Variants in PHLDB1 observed in about 807,000 individuals in gnomAD.
PHLDB1 encodes the protein pleckstrin homology-like domain family B member 1.
In PHLDB1, 65 loss-of-function variants were observed where a neutral mutation model predicts 139.3. The observed-to-expected ratio is 0.47, with a 90% confidence interval of 0.38 to 0.57. The LOEUF (loss-of-function observed/expected upper bound fraction) is 0.57. Among genes scored for constraint, PHLDB1 ranks in the 20% least tolerant of loss-of-function variants. PHLDB1 has a pLI of 0.00. For synonymous variants in PHLDB1, 679 were observed against 734.5 expected, an observed-to-expected ratio of 0.92 and a Z score of 1.22; for missense variants, 1,624 against 1,839.7, an observed-to-expected ratio of 0.88 and a Z score of 2.14.
intron 4 of PHLDB1, among the ~76,000 whole-genome samples, chr11:118,619,816 T>C (rs1286187843): frequency 1.3e-5 from 2 of 152,228 alleles, no homozygotes; most frequent in African/African-American, 2.4e-5. Context: ...GTGGGCTGTT[T>C]AGCAAGAATG....
At chr11:118,631,774 GC>G (rs74426776) in intron 7 of PHLDB1, 138 bp from the exon 8 acceptor site, 229,113 of 1,014,216 alleles carry the variant, frequency 0.23, 27,531 homozygotes, top group South Asian at 0.34. Flanking sequence ...GGTGGGGGTT[GC>G]GGGGGGGCAG....
Position 118,628,670 on chromosome 11 carries a change from G to C in PHLDB1, c.1827+20G>C. The C allele has an allele frequency of 6.3e-7, 1 of 1,595,166 alleles. No individual in the cohort carries two copies. Among genetic ancestry groups the C allele is most frequent in the Non-Finnish European group, 8.5e-7 (1 of 1,172,724 alleles). On this transcript the variant is annotated intron_variant, in intron 6 of 22. Coordinates refer to ENST00000600882, the MANE Select transcript of PHLDB1 (RefSeq NM_001144758.3). ...AGGCTGGTGAGCGGGTGCCAGGGAG[G>C]CTTGCCACTGTCCATGGCAGAGTCT... is the stretch of plus-strand genomic sequence containing the variant.
Position 118,635,422 on chromosome 11 carries a change from G to A in PHLDB1, c.2409G>A (p.Lys803=), listed in dbSNP as rs781888399. The change falls in exon 10 of 23, where the codon AAG becomes AAA. Residue 803 remains lysine (K), a synonymous_variant. Transcript: ENST00000600882. The stretch of plus-strand genomic sequence containing the variant: ...CAGAGGCCCTGGAGACTGAGACAAA[G>A]CTCTTTGAGGACTTGGAGTTCCAGC... ...KEAEALETET[K]LFEDLEFQQL... 20 of 1,608,406 alleles carry A rather than the reference G, an allele frequency of 1.2e-5. No individual in the cohort carries two copies. Among genetic ancestry groups the A allele is most frequent in the Non-Finnish European group, 1.6e-5 (19 of 1,177,924 alleles).
intron 17 of PHLDB1, chr11:118,646,302 A>G (rs1191153621): frequency 6.3e-6 from 1 of 158,662 alleles, no homozygotes; most frequent in Non-Finnish European, 1.4e-5. Context: ...TATTCCTCAA[A>G]CAGGCTTAGG....
chr11:118,650,186 G>A lies in PHLDB1; in HGVS notation c.3764G>A (p.Ser1255Asn). 1 of 1,611,138 alleles carries A rather than the reference G, an allele frequency of 6.2e-7. No homozygotes were observed. The highest frequency in any genetic ancestry group is 8.5e-7 in the Non-Finnish European group (1 of 1,177,286). The change falls in exon 19 of 23, where the codon AGC becomes AAC. Residue 1255 changes from serine (S) to asparagine (N), a missense_variant. Transcript: ENST00000600882. The surrounding 1 kb of genome is among the most constrained non-coding windows in gnomAD (Gnocchi z 4.7). ...GVDTCLHVVL[S>N]SKVCRGYLVK... ...GATACCTGCCTGCACGTGGTGCTCA[G>A]CAGCAAGGTACAAGGCGTGTGTGGC...
chr11:118,615,524 G>T (rs1941454556), intron 3 of PHLDB1: 1 of 153,624 alleles, frequency 6.5e-6, no homozygotes, highest in Non-Finnish European at 1.4e-5. Context: ...GGCTCTGTCA[G>T]CGGGAGGGGC....
intron 21 of PHLDB1, 77 bp downstream of exon 21, chr11:118,655,767 C>A: frequency 1.4e-6 from 2 of 1,477,030 alleles, no homozygotes; most frequent in Non-Finnish European, 1.9e-6. Flanking sequence ...GCTCTGGGAG[C>A]AAAGGCCTCC....
At position 118,655,654 on chromosome 11, in the gene PHLDB1, G is replaced by A. The variant is rs781954316; in HGVS notation, c.3924G>A (p.Glu1308=). Residue 1308 remains glutamate (E), a synonymous_variant, in exon 21 of 23, where the codon GAG becomes GAA. Transcript: ENST00000600882. The part of the protein sequence containing the change: ...LKGVIYFQAI[E]EVYYDHLRSA... The stretch of plus-strand genomic sequence containing the variant: ...GAGTCATCTATTTCCAGGCCATTGA[G>A]GAAGTGTACTACGACCACCTGCGCA... 1 of 1,613,634 alleles carries A rather than the reference G, an allele frequency of 6.2e-7. No homozygotes were observed. Among genetic ancestry groups the A allele is most frequent in the South Asian group, 1.1e-5 (1 of 91,066 alleles).
intron 6 of PHLDB1, chr11:118,630,082 G>T: frequency 7.8e-7 from 1 of 1,286,120 alleles, no homozygotes; most frequent in Middle Eastern, 2.2e-4. Flanking sequence ...AGGGAAGCTG[G>T]GTAAGTGTAT....
chr11:118,632,412 G>A lies in PHLDB1; in HGVS notation c.2379+116G>A. ...TCATCATCCATTCTGCAGTACAAGT[G>A]GTCTCTGTGGCTTTCCAGAGACAGA... On this transcript the variant is annotated intron_variant, in intron 9 of 22. Transcript: ENST00000600882. This position sits in a 1 kb window ranked among gnomAD's most constrained non-coding sequence, Gnocchi z 5.9. 1 of 1,067,368 alleles carries A rather than the reference G, an allele frequency of 9.4e-7. No individual in the cohort carries two copies. The highest frequency in any genetic ancestry group is 1.4e-6 in the Non-Finnish European group (1 of 725,888). 66.1% of individuals were successfully genotyped at this position (1,067,368 alleles called of 1,614,324 possible).
Position 118,631,218 on chromosome 11 carries a change from C to T in PHLDB1, c.1839C>T (p.Arg613=). The T allele has an allele frequency of 1.4e-6, 2 of 1,429,732 alleles. No individual in the cohort carries two copies. Among genetic ancestry groups the T allele is most frequent in the Non-Finnish European group, 1.8e-6 (2 of 1,087,622 alleles). The allele number at this position is 1,429,732 out of a possible 1,614,324, so 88.6% of individuals were successfully genotyped here. The change falls in exon 7 of 23, where the codon CGC becomes CGT. Residue 613 remains arginine (R), a synonymous_variant. Transcript: ENST00000600882. The part of the protein sequence containing the change: ...EQEMERLERQ[R]LETILNLCAE... ...TCCATCCTCCCCAGGAACGCCAGCGCCTGGAGACCATCCTGAACCTGTGTG... is the reference window on the plus strand; with the variant it reads ...TCCATCCTCCCCAGGAACGCCAGCGTCTGGAGACCATCCTGAACCTGTGTG...
At chr11:118,649,945 C>T in intron 18 of PHLDB1, 132 bp from the exon 19 acceptor site, 1 of 720,508 alleles carries the variant, frequency 1.4e-6, no homozygotes. Context: ...CCCTGTGGAG[C>T]CACAGTGACC....
Position 118,643,943 on chromosome 11 carries a change from C to G in PHLDB1, c.3018+3C>G. On this transcript the variant is annotated splice_donor_region_variant and intron_variant, in intron 14 of 22. Coordinates refer to ENST00000600882, the MANE Select transcript of PHLDB1 (RefSeq NM_001144758.3). Reference sequence around the variant, plus strand: ...TGGGGCGTAGCCCCTCCCCAAAGGTCTGAGGACAGTGGGTGGGGCTGCACA... The same window carrying G: ...TGGGGCGTAGCCCCTCCCCAAAGGTGTGAGGACAGTGGGTGGGGCTGCACA... The G allele has an allele frequency of 1.3e-6, 2 of 1,595,666 alleles. No homozygotes were observed. The highest frequency in any genetic ancestry group is 1.7e-6 in the Non-Finnish European group (2 of 1,170,952).
In PHLDB1 at chr11:118,644,159, GCT is replaced by G; in HGVS notation, c.3109_3110del (p.Leu1037AlafsTer9). ...LQDIETKRQL[A>X]LQQKGQQVIE... ...GGACATCGAGACCAAGCGCCAACTAGCTCTGCAGCAGAAGGGTGAGTGACTGC... is the reference window on the plus strand; with the variant it reads ...GGACATCGAGACCAAGCGCCAACTAGCTGCAGCAGAAGGGTGAGTGACTGC... On this transcript the variant is annotated frameshift_variant, in exon 15 of 23. Transcript: ENST00000600882. LOFTEE classifies it high-confidence loss of function. 1 of 1,611,826 alleles carries G rather than the reference GCT, an allele frequency of 6.2e-7. No homozygotes were observed. Among genetic ancestry groups the G allele is most frequent in the Non-Finnish European group, 8.5e-7 (1 of 1,179,404 alleles).
In PHLDB1 at chr11:118,631,296, TG is replaced by T; in HGVS notation, c.1921del (p.Glu641ArgfsTer74). ...CTGAGGCTGGGGAGCTTCCCAGCATTGGGGAGGCCACCGCAGCATTGGCACT... is the reference window on the plus strand; with the variant it reads ...CTGAGGCTGGGGAGCTTCCCAGCATTGGGAGGCCACCGCAGCATTGGCACT... ...GPEAGELPSI[G>X]EATAALALAG... On this transcript the variant is annotated frameshift_variant, in exon 7 of 23. Coordinates refer to ENST00000600882, the MANE Select transcript of PHLDB1 (RefSeq NM_001144758.3). LOFTEE classifies it high-confidence loss of function. 6.5e-7 allele frequency: 1 copy of T among 1,534,478 alleles called. No individual in the cohort carries two copies. Among genetic ancestry groups the T allele is most frequent in the African/African-American group, 1.4e-5 (1 of 70,742 alleles).
At chr11:118,623,519 G>T (rs1431715042) in intron 4 of PHLDB1, among the ~76,000 whole-genome samples, 3 of 152,062 alleles carry the variant, frequency 2.0e-5, no homozygotes, top group African/African-American at 7.2e-5. Flanking sequence ...CTGGGAATGT[G>T]CTTGGCTGAG....
At chr11:118,622,127 T>C (rs1461213629) in intron 4 of PHLDB1, among the ~76,000 whole-genome samples, 39 of 152,032 alleles carry the variant, frequency 2.6e-4, no homozygotes, top group Admixed American at 2.6e-3. Context: ...GATGTGCAGC[T>C]CCTCCACCCA....
intron 9 of PHLDB1, chr11:118,634,443 T>C (rs1239020522): frequency 1.3e-5 from 2 of 152,386 alleles, no homozygotes; most frequent in African/African-American, 4.8e-5. Context: ...TTTTGGTCTC[T>C]GGGCTGTAGT....
Position 118,639,230 on chromosome 11 carries a change from G to A in PHLDB1, c.2715G>A (p.Lys905=), listed in dbSNP as rs1555118318. 1.9e-6 allele frequency: 3 copies of A among 1,613,700 alleles called. No homozygotes were observed. Among genetic ancestry groups the A allele is most frequent in the Non-Finnish European group, 2.5e-6 (3 of 1,179,600 alleles). ...TCACAGGGGGCAGGCCTTTCCCGAA[G>A]ACCACATCGACCCTCAAAGAGGTAT... ...HSLTGGRPFP[K]TTSTLKEMEK... is the part of the protein sequence containing the mutation. Residue 905 remains lysine, a synonymous_variant, in exon 12 of 23, where the codon AAG becomes AAA. Transcript: ENST00000600882.
Sources: allele counts gnomAD v4.1 joint callset (sites outside exome capture counted in the v4.1 genomes callset), GRCh38; gene constraint gnomAD v4.1.1; non-coding constraint Gnocchi (gnomAD v3.1); transcripts MANE v1.5; gene names NCBI Gene and HGNC (gene_info 2026-07-23, HGNC 2026-07-21).